Variants in IQGAP3 observed in about 807,000 individuals in gnomAD.
IQGAP3 encodes the protein IQ motif containing GTPase activating protein 3.
A neutral mutation model predicts 208.2 loss-of-function variants in IQGAP3; 165 were observed. The observed-to-expected ratio is 0.79, with a 90% CI of 0.70 to 0.90. IQGAP3 has a LOEUF of 0.90. Among genes scored for constraint, IQGAP3 ranks in the 40% least tolerant of loss-of-function variants. The pLI, the probability that IQGAP3 is intolerant of heterozygous loss-of-function variation, is 0.00. For missense variants in IQGAP3, 1,811 were observed against 2,043.1 expected, an observed-to-expected ratio of 0.89 and a Z score of 2.19; for synonymous variants, 703 against 803.6, an observed-to-expected ratio of 0.87 and a Z score of 2.12.
chr1:156,538,163 A>G (rs576621084), intron 26 of IQGAP3, among the ~76,000 whole-genome samples: 1 of 151,864 alleles, frequency 6.6e-6, no homozygotes, highest in South Asian at 2.1e-4. Context: ...CAGATTCATG[A>G]CATTCTCCTG....
At chr1:156,550,020 T>C (rs1557934351) in intron 16 of IQGAP3, among the ~76,000 whole-genome samples, 1 of 152,264 alleles carries the variant, frequency 6.6e-6, no homozygotes, top group Non-Finnish European at 1.5e-5. Context: ...CAGGAAGGCA[T>C]AGAGGGAGGC....
chr1:156,543,469 C>G (rs1462313455), intron 22 of IQGAP3, among the ~76,000 whole-genome samples: 1 of 152,184 alleles, frequency 6.6e-6, no homozygotes, highest in Non-Finnish European at 1.5e-5. Flanking sequence ...GAAGGGGATG[C>G]CATTTGCTGG....
Position 156,562,296 on chromosome 1 carries a change from AT to A in IQGAP3, c.877+290del, listed in dbSNP as rs1187940062. ...CCCCCCATCCTCATGTATTCTCCACATTGCCCCTCTCGAAGGACCCCAGTCC... is the reference window on the plus strand; with the variant it reads ...CCCCCCATCCTCATGTATTCTCCACATGCCCCTCTCGAAGGACCCCAGTCC... On this transcript the variant is annotated intron_variant, in intron 9 of 37. Transcript: ENST00000361170. Among the ~76,000 whole-genome samples the A allele has an allele frequency of 2.7e-5, 4 of 149,110 alleles. 1 individual carries two copies. Among genetic ancestry groups the A allele is most frequent in the Non-Finnish European group, 5.9e-5 (4 of 67,296 alleles).
intron 15 of IQGAP3, 24 bp downstream of exon 15, chr1:156,551,681 C>T (rs1024351521): frequency 6.3e-7 from 1 of 1,593,662 alleles, no homozygotes; most frequent in African/African-American, 1.3e-5. Flanking sequence ...CTCTGATGAC[C>T]AACCCAACCA....
intron 18 of IQGAP3, 49 bp from the exon 19 acceptor site, chr1:156,548,292 T>C: frequency 6.2e-7 from 1 of 1,607,800 alleles, no homozygotes; most frequent in Middle Eastern, 1.7e-4. Context: ...AGTGGGAGCC[T>C]CTTCTTCAGG....
At chr1:156,535,683 C>T (rs984357946) in intron 27 of IQGAP3, among the ~76,000 whole-genome samples, 11 of 152,180 alleles carry the variant, frequency 7.2e-5, no homozygotes, top group Non-Finnish European at 1.2e-4. Context: ...AGGTAGTCAA[C>T]CTTGTCAGCT....
chr1:156,526,678 T>A, intron 37 of IQGAP3, 79 bp from the exon 38 acceptor site: 1 of 933,572 alleles, frequency 1.1e-6, no homozygotes. Context: ...AACACTCACA[T>A]CATGGGGCCT....
Position 156,572,536 on chromosome 1 carries a change from C to T in IQGAP3, c.-7G>A, listed in dbSNP as rs1321830528. ...CCGCTGCTCTCCTCTCCATGTTCCT[C>T]CTTCTTCCAGGTTTGAATCTCCCGC... On this transcript the variant is annotated 5_prime_UTR_variant, in exon 1 of 38. Coordinates refer to ENST00000361170, the MANE Select transcript of IQGAP3 (RefSeq NM_178229.5). 6.2e-7 allele frequency: 1 copy of T among 1,612,986 alleles called. No homozygotes were observed. Among genetic ancestry groups the T allele is most frequent in the South Asian group, 1.1e-5 (1 of 91,084 alleles).
Position 156,566,039 on chromosome 1 carries a change from G to A in IQGAP3, c.348C>T (p.Ile116=), listed in dbSNP as rs750328555. Residue 116 remains isoleucine (I), a synonymous_variant, in exon 4 of 38, where the codon ATC becomes ATT. Coordinates refer to ENST00000361170, the MANE Select transcript of IQGAP3 (RefSeq NM_178229.5). ...GGCCCAGTATTACCGAAGGCAGACCGATGTGGGCTATTGCAGATAGCCAAA... is the reference window on the plus strand; with the variant it reads ...GGCCCAGTATTACCGAAGGCAGACCAATGTGGGCTATTGCAGATAGCCAAA... ...INFWLSAIAH[I]GLPSTFFPET... is the part of the protein sequence containing the mutation. 8.1e-6 allele frequency: 13 copies of A among 1,612,992 alleles called. No homozygotes were observed. The highest frequency in any genetic ancestry group is 1.6e-4 in the Middle Eastern group (1 of 6,078).
At chr1:156,566,195 G>A in intron 3 of IQGAP3, 91 bp from the exon 4 acceptor site, 4 of 1,312,536 alleles carry the variant, frequency 3.0e-6, no homozygotes, top group Non-Finnish European at 4.4e-6. Flanking sequence ...ATTCAGGAGA[G>A]ATGGGCAGAG....
rs754171529 is a variant in IQGAP3, at chr1:156,538,806, C to T, written c.3281+3G>A. ...GAGCTCCTCCCTCTGCCCATGTGCTCACCTGCGCTGCCCTGTCTGGGCCTC... is the reference window on the plus strand; with the variant it reads ...GAGCTCCTCCCTCTGCCCATGTGCTTACCTGCGCTGCCCTGTCTGGGCCTC... On this transcript the variant is annotated splice_donor_region_variant and intron_variant, in intron 26 of 37. Transcript: ENST00000361170. The T allele has an allele frequency of 2.5e-6, 4 of 1,613,142 alleles. No individual in the cohort carries two copies. Among genetic ancestry groups the T allele is most frequent in the Non-Finnish European group, 3.4e-6 (4 of 1,179,324 alleles).
In IQGAP3 at chr1:156,572,475, G is replaced by A. The variant is rs1321058606; in HGVS notation, c.37+18C>T. ...CGGCACCACTGCGAGACCCTTCTCT[G>A]ACCCTCTCCGCACTCACAGGCTGCC... On this transcript the variant is annotated intron_variant, in intron 1 of 37. Transcript: ENST00000361170. 1 of 1,608,618 alleles carries A rather than the reference G, an allele frequency of 6.2e-7. No homozygotes were observed. Among genetic ancestry groups the A allele is most frequent in the Non-Finnish European group, 8.5e-7 (1 of 1,179,372 alleles).
intron 25 of IQGAP3, 134 bp from the exon 26 acceptor site, chr1:156,539,167 CT>C: frequency 4.6e-6 from 4 of 876,006 alleles, no homozygotes; most frequent in Non-Finnish European, 5.5e-6. Context: ...TGATATCTCT[CT>C]CATCCTTTGT....
intron 15 of IQGAP3, among the ~76,000 whole-genome samples, 177 bp from the exon 16 acceptor site, chr1:156,550,528 C>T (rs1778818): frequency 0.27 from 40,554 of 152,058 alleles, 5,993 homozygotes; most frequent in South Asian, 0.52. Context: ...TTCCCTGGGA[C>T]GCGGCCAGGC....
At chr1:156,554,979 C>T (rs537138017) in intron 12 of IQGAP3, among the ~76,000 whole-genome samples, 17 of 152,216 alleles carry the variant, frequency 1.1e-4, no homozygotes, top group African/African-American at 4.1e-4. Flanking sequence ...ATCGCTTAAA[C>T]CCAGGTGGAG....
At position 156,544,238 on chromosome 1, in the gene IQGAP3, A is replaced by T; in HGVS notation, c.2389-15T>A. 1 of 1,613,932 alleles carries T rather than the reference A, an allele frequency of 6.2e-7. No individual in the cohort carries two copies. The highest frequency in any genetic ancestry group is 8.5e-7 in the Non-Finnish European group (1 of 1,179,882). On this transcript the variant is annotated splice_polypyrimidine_tract_variant and intron_variant, in intron 20 of 37. Transcript: ENST00000361170. Reference sequence around the variant, plus strand: ...CAGGCCTGGATCTGGGAGAAGAAACACACTGCCTCAGCTCCAGCTTGGGGC... The same window carrying T: ...CAGGCCTGGATCTGGGAGAAGAAACTCACTGCCTCAGCTCCAGCTTGGGGC...
intron 26 of IQGAP3, 69 bp from the exon 27 acceptor site, chr1:156,537,390 T>A (rs996736652): frequency 1.5e-5 from 21 of 1,444,768 alleles, no homozygotes; most frequent in Admixed American, 2.3e-5. Context: ...AAGGCCCTAT[T>A]CCTTAAACGC....
intron 33 of IQGAP3, among the ~76,000 whole-genome samples, chr1:156,530,735 T>G (rs992303305): frequency 2.6e-5 from 4 of 152,178 alleles, no homozygotes. Flanking sequence ...TCCCCACCTT[T>G]TCTTTGGGAA....
intron 16 of IQGAP3, 49 bp downstream of exon 16, chr1:156,550,212 C>T: frequency 1.5e-6 from 2 of 1,312,618 alleles, no homozygotes; most frequent in Non-Finnish European, 2.2e-6. Flanking sequence ...GCTGCTGAGC[C>T]CACATCACCA....
Sources: gnomAD v4.1 joint callset for allele counts (sites outside exome capture counted in the v4.1 genomes callset) on GRCh38, gnomAD v4.1.1 for gene constraint, MANE v1.5 for transcripts, NCBI Gene and HGNC (gene_info 2026-07-23, HGNC 2026-07-21) for gene names.